ZNF385D: variants seen among roughly 807,000 people sequenced by gnomAD.
ZNF385D encodes the protein zinc finger protein 385D, also known as zinc finger protein 659.
Under a neutral mutation model 35.8 loss-of-function variants are expected in ZNF385D, and 15 were observed. That is an observed-to-expected ratio of 0.42 (90% CI 0.28 to 0.64). The LOEUF (loss-of-function observed/expected upper bound fraction) is 0.64, where lower values mean the gene tolerates loss of function less well. Ranked by LOEUF, ZNF385D falls within the 30% of genes least tolerant of loss-of-function variation. The pLI is 0.23. For missense variants in ZNF385D, 474 were observed against 494.6 expected (o/e 0.96, Z 0.39); for synonymous variants, 212 against 186.8 (o/e 1.13, Z -1.10).
chr3:21,455,992 T>C (rs1218079426), intron 4 of ZNF385D, among the ~76,000 whole-genome samples: 6 of 152,246 alleles, frequency 3.9e-5, no homozygotes, highest in South Asian at 4.2e-4. Context: ...AAAATGCTCA[T>C]CATCACTGGC....
intron 1 of ZNF385D, among the ~76,000 whole-genome samples, chr3:21,684,936 A>C (rs1575458623): frequency 6.6e-6 from 1 of 152,206 alleles, no homozygotes; most frequent in African/African-American, 2.4e-5. Context: ...AGTTCAGCAA[A>C]CTCGTATGGC....
chr3:21,726,565 T>C (rs1237840099), intron 1 of ZNF385D, among the ~76,000 whole-genome samples: 4 of 152,086 alleles, frequency 2.6e-5, no homozygotes, highest in Non-Finnish European at 4.4e-5. Flanking sequence ...GATTGAACTC[T>C]CATTCACAAT....
upstream of ZNF385D, chr3:21,751,508 T>G (rs941895725): frequency 1.1e-6 from 1 of 944,790 alleles, no homozygotes. Flanking sequence ...CCGCCCCTCC[T>G]GTGAATGCCA....
At chr3:21,671,854 C>A (rs1417246881) in intron 1 of ZNF385D, among the ~76,000 whole-genome samples, 1 of 152,094 alleles carries the variant, frequency 6.6e-6, no homozygotes, top group Non-Finnish European at 1.5e-5. Flanking sequence ...TTATCCCCAG[C>A]ATGGGAACAT....
intron 3 of ZNF385D, among the ~76,000 whole-genome samples, chr3:21,787,452 C>T (rs920360166): frequency 6.6e-6 from 1 of 152,094 alleles, no homozygotes; most frequent in Non-Finnish European, 1.5e-5. Flanking sequence ...CCCTAAGCCC[C>T]GTGCCCCTAC....
Position 21,574,985 on chromosome 3 carries a change from A to ATT in ZNF385D, c.166-10302_166-10301insAA, listed in dbSNP as rs368087579. Reference sequence around the variant, plus strand: ...AAAGAGGACTATAGCTAAATACACAATGTTTCATTTTCTTAACAAACATAA... The same window carrying ATT: ...AAAGAGGACTATAGCTAAATACACAATTTGTTTCATTTTCTTAACAAACATAA... On this transcript the variant is annotated intron_variant, in intron 2 of 7. Transcript: ENST00000281523. Among the ~76,000 whole-genome samples, 690 of 152,280 alleles carry ATT rather than the reference A, an allele frequency of 4.5e-3. 12 individuals are homozygous for ATT. Among genetic ancestry groups the ATT allele is most frequent in the African/African-American group, 0.016 (657 of 41,552 alleles).
intron 3 of ZNF385D, among the ~76,000 whole-genome samples, chr3:21,945,905 C>A (rs189127477): frequency 6.6e-6 from 1 of 152,258 alleles, no homozygotes; most frequent in African/African-American, 2.4e-5. Flanking sequence ...ATAAGTCTTA[C>A]ATTTTGAGTT....
At chr3:22,223,056 G>T (rs921311263) in intron 2 of ZNF385D, among the ~76,000 whole-genome samples, 1 of 151,970 alleles carries the variant, frequency 6.6e-6, no homozygotes, top group Admixed American at 6.6e-5. Context: ...GATATTAAGG[G>T]TTTAATCTAT....
At chr3:22,364,706 A>G (rs567518862) in intron 2 of ZNF385D, among the ~76,000 whole-genome samples, 10 of 152,256 alleles carry the variant, frequency 6.6e-5, no homozygotes, top group Non-Finnish European at 8.8e-5. Flanking sequence ...AAGTATTAGA[A>G]GTATTATGTC....
chr3:21,585,173 G>A (rs2063774630), intron 2 of ZNF385D, among the ~76,000 whole-genome samples: 2 of 152,104 alleles, frequency 1.3e-5, no homozygotes, highest in African/African-American at 4.8e-5. Context: ...CATCAATAAA[G>A]TTTGCAGGTA....
chr3:21,683,805 G>C (rs1208972813), intron 1 of ZNF385D, among the ~76,000 whole-genome samples: 2 of 150,030 alleles, frequency 1.3e-5, no homozygotes, highest in Non-Finnish European at 3.0e-5. Context: ...CAGGGTGACA[G>C]CAAGGAAAGC....
Position 21,716,674 on chromosome 3 carries a change from A to C in ZNF385D, c.22+34221T>G, listed in dbSNP as rs1275963912. 2.0e-5 allele frequency among the ~76,000 whole-genome samples: 3 copies of C among 151,984 alleles called. No homozygotes were observed. The South Asian group carries it at 6.3e-4, about 32-fold the overall frequency. ...ATTTCTCTTCACCCTCCCCTTCTTCATTTTTCTACTTAAAAATGTATTTTC... is the reference window on the plus strand; with the variant it reads ...ATTTCTCTTCACCCTCCCCTTCTTCCTTTTTCTACTTAAAAATGTATTTTC... On this transcript the variant is annotated intron_variant, in intron 1 of 7. Transcript: ENST00000281523.
At chr3:21,525,270 A>C (rs1708153678) in intron 3 of ZNF385D, among the ~76,000 whole-genome samples, 1 of 152,156 alleles carries the variant, frequency 6.6e-6, no homozygotes, top group Admixed American at 6.5e-5. Context: ...GACCTCTTAA[A>C]GGTATATTCA....
intron 2 of ZNF385D, among the ~76,000 whole-genome samples, chr3:21,634,978 C>T (rs897101668): frequency 2.6e-5 from 4 of 151,952 alleles, no homozygotes; most frequent in African/African-American, 4.8e-5. Flanking sequence ...AGGAACAAAC[C>T]GTGATTTCCT....
At chr3:21,762,538 C>A (rs1004165019) in intron 3 of ZNF385D, among the ~76,000 whole-genome samples, 2 of 152,130 alleles carry the variant, frequency 1.3e-5, no homozygotes, top group South Asian at 4.1e-4. Context: ...CTTACTAGTT[C>A]TCTTTTCTTG....
chr3:22,321,224 T>C (rs567671995), intron 2 of ZNF385D, among the ~76,000 whole-genome samples: 7 of 150,842 alleles, frequency 4.6e-5, no homozygotes, highest in African/African-American at 1.7e-4. Context: ...TATTACACTT[T>C]ACGACTATCA....
At chr3:21,727,735 C>G (rs975976263) in intron 1 of ZNF385D, among the ~76,000 whole-genome samples, 2 of 152,150 alleles carry the variant, frequency 1.3e-5, no homozygotes, top group Non-Finnish European at 2.9e-5. Context: ...ATTAGTTCAA[C>G]CACTGTGGAA....
At chr3:22,175,790 C>A (rs1384254166) in intron 2 of ZNF385D, among the ~76,000 whole-genome samples, 2 of 150,838 alleles carry the variant, frequency 1.3e-5, no homozygotes, top group Non-Finnish European at 3.0e-5. Context: ...AGATTTTATG[C>A]ATCATATTTG....
At chr3:22,148,580 A>G (rs913925315) in intron 3 of ZNF385D, among the ~76,000 whole-genome samples, 4 of 152,226 alleles carry the variant, frequency 2.6e-5, no homozygotes, top group Non-Finnish European at 5.9e-5. Context: ...AACTCAGTTT[A>G]TCTTCAAAAG....
Sources: gnomAD v4.1 joint callset for allele counts (sites outside exome capture counted in the v4.1 genomes callset) on GRCh38, gnomAD v4.1.1 for gene constraint, MANE v1.5 for transcripts, NCBI Gene and HGNC (gene_info 2026-07-23, HGNC 2026-07-21) for gene names.